Variants in AMZ1 observed in about 807,000 individuals in gnomAD.
AMZ1 encodes the protein archaemetzincin-1.
Under a neutral mutation model 29.9 loss-of-function variants are expected in AMZ1, and 39 were observed. That is an observed-to-expected ratio of 1.30 (90% CI 1.01 to 1.70). The LOEUF is 1.70. Ranked by LOEUF, AMZ1 falls within the 40% of genes most tolerant of loss-of-function variation. The probability of loss-of-function intolerance (pLI) is 0.00; values close to 1 mark genes in which losing one functional copy is unlikely to be tolerated. For missense variants in AMZ1, 1,041 were observed against 680.6 expected (o/e 1.53, Z -5.89); for synonymous variants, 458 against 304.0 (o/e 1.51, Z -5.27).
intron 3 of AMZ1, 44 bp downstream of exon 3, chr7:2,702,933 T>C (rs765903394): frequency 6.5e-7 from 1 of 1,530,512 alleles, no homozygotes; most frequent in South Asian, 1.2e-5. Context: ...GGCAGGCCCC[T>C]TCTGGAAGGA....
Position 2,712,475 on chromosome 7 carries a change from C to T in AMZ1, c.1094C>T (p.Ser365Leu), listed in dbSNP as rs150948107. The T allele has an allele frequency of 4.1e-5, 66 of 1,610,516 alleles. No individual in the cohort carries two copies. Among genetic ancestry groups the T allele is most frequent in the African/African-American group, 2.0e-4 (15 of 74,914 alleles). ...GACTCGGAGCCCGGCACCAGTGTGTCGGAGCCCCTCACCCCTGATGCCGGG... is the reference window on the plus strand; with the variant it reads ...GACTCGGAGCCCGGCACCAGTGTGTTGGAGCCCCTCACCCCTGATGCCGGG... ...ESDSEPGTSV[S>L]EPLTPDAGSH... is the part of the protein sequence containing the mutation. The change falls in exon 7 of 7, where the codon TCG becomes TTG. Residue 365 changes from serine (S) to leucine (L), a missense_variant. By Grantham distance (145) the Ser-to-Leu change is moderately radical. Transcript: ENST00000683327.
intron 1 of AMZ1, among the ~76,000 whole-genome samples, chr7:2,697,591 T>G (rs972213276): frequency 2.0e-5 from 3 of 151,906 alleles, no homozygotes; most frequent in African/African-American, 7.3e-5. Flanking sequence ...GCCCGGCTAA[T>G]TTTTTGTGTT....
intron 3 of AMZ1, among the ~76,000 whole-genome samples, chr7:2,708,051 G>A (rs748770758): frequency 6.6e-6 from 1 of 152,068 alleles, no homozygotes; most frequent in Non-Finnish European, 1.5e-5. Context: ...TCGAACTCCT[G>A]ACCTCAGGTG....
Position 2,704,928 on chromosome 7 carries a change from A to G in AMZ1, c.472+2039A>G, listed in dbSNP as rs180933026. Among the ~76,000 whole-genome samples the G allele has an allele frequency of 6.6e-5, 10 of 152,228 alleles. No individual in the cohort carries two copies. In the East Asian group the frequency reaches 1.9e-3, roughly 29 times the overall value. Reference sequence around the variant, plus strand: ...ACATTTTTATAGGTCTCAGTTGCCTATGACACTTCTTTAAGTTCAGCATTG... The same window carrying G: ...ACATTTTTATAGGTCTCAGTTGCCTGTGACACTTCTTTAAGTTCAGCATTG... On this transcript the variant is annotated intron_variant, in intron 3 of 6. Transcript: ENST00000683327.
At chr7:2,720,478 A>G (rs1184773389), downstream of AMZ1, among the ~76,000 whole-genome samples, 3 of 151,638 alleles carry the variant, frequency 2.0e-5, no homozygotes, top group Non-Finnish European at 4.4e-5. Flanking sequence ...ATCTTGGCTC[A>G]CTGCAACCTC....
At chr7:2,763,191 A>AACACACACACACAC (rs56384682), upstream of AMZ1, 1,621 of 222,664 alleles carry the variant, frequency 7.3e-3, 35 homozygotes, top group African/African-American at 0.012. Flanking sequence ...AAGACACCCC[A>AACACACACACACAC]ACACACACAC....
At chr7:2,728,929 C>G (rs1041823321) in intron 4 of AMZ1, 1 of 152,384 alleles carries the variant, frequency 6.6e-6, no homozygotes, top group Non-Finnish European at 1.5e-5. Context: ...CAAGAGCCCG[C>G]GCCGGGGGCC....
chr7:2,688,658 C>T (rs6943968), intron 1 of AMZ1, among the ~76,000 whole-genome samples: 16,057 of 152,114 alleles, frequency 0.11, 1,161 homozygotes, highest in East Asian at 0.38. Context: ...GCCAAGCGCC[C>T]GAAAGAAGGC....
chr7:2,734,626 A>G (rs1790066734), intron 4 of AMZ1, among the ~76,000 whole-genome samples: 1 of 152,232 alleles, frequency 6.6e-6, no homozygotes, highest in African/African-American at 2.4e-5. Flanking sequence ...TCTGTCCCAG[A>G]CAGACTGAGG....
Position 2,712,489 on chromosome 7 carries a change from C to G in AMZ1, c.1108C>G (p.Pro370Ala), listed in dbSNP as rs779170648. 1 of 1,610,034 alleles carries G rather than the reference C, an allele frequency of 6.2e-7. No homozygotes were observed. ...PGTSVSEPLTPDAGSHTFASG... is the reference protein window; with the variant it reads ...PGTSVSEPLTADAGSHTFASG... ...CACCAGTGTGTCGGAGCCCCTCACC[C>G]CTGATGCCGGGAGTCACACCTTCGC... Residue 370 changes from proline (P) to alanine (A), a missense_variant, in exon 7 of 7, where the codon CCT becomes GCT. Pro to Ala is a conservative substitution (Grantham distance 27). Coordinates refer to ENST00000683327, the MANE Select transcript of AMZ1 (RefSeq NM_001384743.1).
At chr7:2,710,117 C>G (rs28561404) in intron 6 of AMZ1, among the ~76,000 whole-genome samples, 1 of 152,156 alleles carries the variant, frequency 6.6e-6, no homozygotes, top group Admixed American at 6.6e-5. Context: ...GGAGCCCAGC[C>G]GGCGGGTGGC....
intron 4 of AMZ1, among the ~76,000 whole-genome samples, chr7:2,751,383 C>T (rs73049318): frequency 1.9e-3 from 270 of 138,664 alleles, no homozygotes; most frequent in Non-Finnish European, 2.9e-3. Flanking sequence ...AGAGCAAGAC[C>T]GTTTCAAAGA....
At chr7:2,686,852 C>G (rs1787097445), upstream of AMZ1, among the ~76,000 whole-genome samples, 1 of 151,952 alleles carries the variant, frequency 6.6e-6, no homozygotes, top group Non-Finnish European at 1.5e-5. Flanking sequence ...GTAGCTGGGA[C>G]TATAGGCACC....
Position 2,692,489 on chromosome 7 carries a change from C to T in AMZ1, c.-219+4193C>T, listed in dbSNP as rs1353895962. 2.0e-5 allele frequency among the ~76,000 whole-genome samples: 3 copies of T among 152,182 alleles called. No homozygotes were observed. The East Asian group carries it at 5.8e-4, about 29-fold the overall frequency. On this transcript the variant is annotated intron_variant, in intron 1 of 6. Transcript: ENST00000683327. ...CCCGGGAAGCGGAGGTTGCAGTGAGCCGAGATTGTGCCACTGCACTCCAGC... is the reference window on the plus strand; with the variant it reads ...CCCGGGAAGCGGAGGTTGCAGTGAGTCGAGATTGTGCCACTGCACTCCAGC...
intron 1 of AMZ1, among the ~76,000 whole-genome samples, chr7:2,695,032 C>T (rs1787624518): frequency 1.3e-5 from 2 of 152,240 alleles, no homozygotes; most frequent in South Asian, 2.1e-4. Flanking sequence ...CCCTGGGACC[C>T]GCCTGGCCTC....
intron 4 of AMZ1, among the ~76,000 whole-genome samples, chr7:2,755,722 A>G (rs984721608): frequency 1.3e-5 from 2 of 152,162 alleles, no homozygotes; most frequent in Admixed American, 6.5e-5. Flanking sequence ...TCTACCCTGC[A>G]TTTCCTTTTC....
intron 4 of AMZ1, among the ~76,000 whole-genome samples, chr7:2,745,595 G>C (rs1183054360): frequency 6.6e-6 from 1 of 152,146 alleles, no homozygotes; most frequent in Non-Finnish European, 1.5e-5. Flanking sequence ...TCAAGGCTAG[G>C]AAAAAACTGC....
downstream of AMZ1, among the ~76,000 whole-genome samples, chr7:2,722,475 G>A (rs1262902901): frequency 6.6e-6 from 1 of 152,138 alleles, no homozygotes; most frequent in Non-Finnish European, 1.5e-5. Context: ...GTTTCACCGT[G>A]TTAGCCAGGA....
chr7:2,700,574 G>T lies in AMZ1; in HGVS notation c.123G>T (p.Arg41=). Residue 41 remains arginine (R), a synonymous_variant, in exon 2 of 7, where the codon CGG becomes CGT. Transcript: ENST00000683327. ...TGTCCGCCTTCTCCCCTGCCGAGCG[G>T]CTCTTCCTGGCCGAGGCCTACAACC... is the stretch of plus-strand genomic sequence containing the variant. ...LYVSAFSPAE[R]LFLAEAYNPQ... is the part of the protein sequence containing the mutation. 1 of 1,610,170 alleles carries T rather than the reference G, an allele frequency of 6.2e-7. No homozygotes were observed.
Sources: allele counts gnomAD v4.1 joint callset (sites outside exome capture counted in the v4.1 genomes callset), GRCh38; gene constraint gnomAD v4.1.1; transcripts MANE v1.5; gene names NCBI Gene and HGNC (gene_info 2026-07-23, HGNC 2026-07-21).